The following CNTNAP2 variants were observed in gnomAD, a reference collection of about 807,000 sequenced individuals.
CNTNAP2 encodes contactin-associated protein-like 2.
CNTNAP2 carries 98 observed loss-of-function variants against 155.2 expected under a neutral mutation model. That is an observed-to-expected ratio of 0.63 (90% CI 0.54 to 0.75). CNTNAP2 has a LOEUF of 0.75. CNTNAP2 is among the 30% of genes least tolerant of loss of function. The pLI is 0.00. For missense variants in CNTNAP2, 1,727 were observed against 1,688.1 expected, an observed-to-expected ratio of 1.02 and a Z score of -0.40; for synonymous variants, 651 against 631.2, an observed-to-expected ratio of 1.03 and a Z score of -0.47.
chr7:148,209,610 C>T (rs1795508920), intron 18 of CNTNAP2, among the ~76,000 whole-genome samples: 1 of 152,182 alleles, frequency 6.6e-6, no homozygotes, highest in Non-Finnish European at 1.5e-5. Context: ...TCTACTACTC[C>T]AAACCATCAT....
At chr7:146,203,867 A>G (rs147938129) in intron 1 of CNTNAP2, among the ~76,000 whole-genome samples, 260 of 152,274 alleles carry the variant, frequency 1.7e-3, no homozygotes, top group African/African-American at 6.0e-3. Context: ...AAATATATAT[A>G]TAATATCACA....
At chr7:147,466,819 G>A (rs753343614) in intron 10 of CNTNAP2, among the ~76,000 whole-genome samples, 1 of 152,134 alleles carries the variant, frequency 6.6e-6, no homozygotes, top group Non-Finnish European at 1.5e-5. Flanking sequence ...TGGGGAGGCT[G>A]AGGCAGGAGA....
chr7:148,328,976 GAA>G (rs71188969), intron 21 of CNTNAP2, among the ~76,000 whole-genome samples: 59 of 69,248 alleles, frequency 8.5e-4, no homozygotes, highest in Non-Finnish European at 1.3e-3. Context: ...ACTCTGTCTG[GAA>G]AAAAAAAAAA....
intron 3 of CNTNAP2, among the ~76,000 whole-genome samples, chr7:146,867,021 A>G (rs561844764): frequency 3.3e-5 from 5 of 151,924 alleles, no homozygotes; most frequent in Non-Finnish European, 7.4e-5. Context: ...CTCTTTTTTA[A>G]TCTTTTACTT....
chr7:148,300,378 G>A (rs1055179303), intron 21 of CNTNAP2, among the ~76,000 whole-genome samples: 15 of 152,182 alleles, frequency 9.9e-5, no homozygotes, highest in Admixed American at 7.2e-4. Flanking sequence ...TTTCATACTC[G>A]TTATATGTTA....
rs182713722 is a variant in CNTNAP2, at chr7:148,097,249, A to G, written c.2384-20869A>G. On this transcript the variant is annotated intron_variant, in intron 15 of 23. Transcript: ENST00000361727. ...ATTTAGAACAACTGGTCTCTTTAAC[A>G]TGAGCATTCCCCGTCAGTGCTACCA... Among the ~76,000 whole-genome samples the G allele has an allele frequency of 9.3e-5, 14 of 150,344 alleles. No homozygotes were observed. In the East Asian group the frequency reaches 2.8e-3, roughly 30 times the overall value.
intron 21 of CNTNAP2, among the ~76,000 whole-genome samples, chr7:148,339,974 A>AGTGTGTGTGTGTGTGTGTGTGT (rs10603520): frequency 1.4e-5 from 2 of 144,792 alleles, no homozygotes; most frequent in African/African-American, 5.1e-5. Context: ...TCCTTCGTGC[A>AGTGTGTGTGTGTGTGTGTGTGT]GTGTGTGTGT....
At chr7:146,665,783 T>TAAAAAAAAGAAAAAA (rs1800180308) in intron 1 of CNTNAP2, among the ~76,000 whole-genome samples, 1 of 48,282 alleles carries the variant, frequency 2.1e-5, no homozygotes, top group African/African-American at 1.1e-4. Flanking sequence ...TCTGTCTCAT[T>TAAAAAAAAGAAAAAA]AAAAAAAAAA....
intron 1 of CNTNAP2, among the ~76,000 whole-genome samples, chr7:146,694,238 GA>G (rs1248327942): frequency 6.6e-6 from 1 of 152,168 alleles, no homozygotes; most frequent in Non-Finnish European, 1.5e-5. Context: ...GGGCTAAATA[GA>G]AAATAATTTG....
intron 12 of CNTNAP2, among the ~76,000 whole-genome samples, chr7:147,610,688 G>A (rs1020024575): frequency 1.3e-5 from 2 of 152,118 alleles, no homozygotes; most frequent in African/African-American, 4.8e-5. Context: ...TCTAGTCAGA[G>A]GAAACAGCCC....
chr7:147,337,441 C>T (rs1284033698), intron 9 of CNTNAP2, among the ~76,000 whole-genome samples: 1 of 152,110 alleles, frequency 6.6e-6, no homozygotes, highest in African/African-American at 2.4e-5. Context: ...TTCAATGTTG[C>T]ATTTCCAATG....
intron 13 of CNTNAP2, among the ~76,000 whole-genome samples, chr7:147,769,506 GGT>G: frequency 6.6e-6 from 1 of 152,166 alleles, no homozygotes; most frequent in Admixed American, 6.5e-5. Context: ...TATTTGAAAA[GGT>G]GTTATTCACA....
intron 1 of CNTNAP2, among the ~76,000 whole-genome samples, chr7:146,394,309 AAAT>A (rs1251568360): frequency 1.3e-5 from 2 of 152,156 alleles, no homozygotes; most frequent in Admixed American, 6.6e-5. Context: ...GCTAGTTTTT[AAAT>A]AATGTTATAT....
At chr7:148,188,959 T>C (rs566672600) in intron 18 of CNTNAP2, among the ~76,000 whole-genome samples, 1 of 152,346 alleles carries the variant, frequency 6.6e-6, no homozygotes, top group South Asian at 2.1e-4. Flanking sequence ...CCAATTTTTT[T>C]ATTGTAAATA....
intron 15 of CNTNAP2, among the ~76,000 whole-genome samples, chr7:147,983,017 C>CAAA (rs35946958): frequency 2.4e-4 from 19 of 80,814 alleles, no homozygotes; most frequent in South Asian, 1.5e-3. Flanking sequence ...GACTCCACCT[C>CAAA]AAAAAAAAAA....
chr7:146,910,453 A>G (rs904555846), intron 3 of CNTNAP2, among the ~76,000 whole-genome samples: 19 of 149,384 alleles, frequency 1.3e-4, no homozygotes, highest in Non-Finnish European at 2.4e-4. Flanking sequence ...GTACCAAAAC[A>G]GAGATATAGA....
At chr7:146,696,639 T>C (rs1252967655) in intron 1 of CNTNAP2, among the ~76,000 whole-genome samples, 1 of 152,144 alleles carries the variant, frequency 6.6e-6, no homozygotes, top group African/African-American at 2.4e-5. Flanking sequence ...ATCTTTCTTT[T>C]CTAATACATG....
rs75838947 is a variant in CNTNAP2, at chr7:147,610,366, G to A, written c.1898-28740G>A. Among the ~76,000 whole-genome samples, 161 of 152,106 alleles carry A rather than the reference G, an allele frequency of 1.1e-3. 2 individuals are homozygous for A. Among genetic ancestry groups the A allele is most frequent in the African/African-American group, 3.8e-3 (156 of 41,512 alleles). On this transcript the variant is annotated intron_variant, in intron 12 of 23. Coordinates refer to ENST00000361727, the MANE Select transcript of CNTNAP2 (RefSeq NM_014141.6). ...CCAAGTTTTCTTCTCTGGTTGGTGA[G>A]ATTACTGGGGCAAAGATTTCTTGAC...
chr7:146,412,710 A>G (rs1795883268), intron 1 of CNTNAP2, among the ~76,000 whole-genome samples: 1 of 152,212 alleles, frequency 6.6e-6, no homozygotes, highest in Non-Finnish European at 1.5e-5. Flanking sequence ...TCGCTGTGAT[A>G]TCTTGCTTCG....
Sources: gnomAD v4.1 joint callset for allele counts (sites outside exome capture counted in the v4.1 genomes callset) on GRCh38, gnomAD v4.1.1 for gene constraint, MANE v1.5 for transcripts, NCBI Gene and HGNC (gene_info 2026-07-23, HGNC 2026-07-21) for gene names.